CCDC152: variants seen among roughly 807,000 people sequenced by gnomAD.
The protein encoded by CCDC152 is coiled-coil domain-containing protein 152.
Under a neutral mutation model 38.1 loss-of-function variants are expected in CCDC152, and 37 were observed. That is an observed-to-expected ratio of 0.97 (90% CI 0.75 to 1.28). The LOEUF is 1.28. Among genes scored for constraint, CCDC152 ranks in the 50% most tolerant of loss-of-function variants. The pLI is 0.00. For missense variants in CCDC152, 259 were observed against 292.1 expected (o/e 0.89, Z 0.83); for synonymous variants, 83 against 87.1 (o/e 0.95, Z 0.26).
At chr5:42,791,329 T>C (rs929200143) in intron 6 of CCDC152, among the ~76,000 whole-genome samples, 1 of 152,262 alleles carries the variant, frequency 6.6e-6, no homozygotes, top group African/African-American at 2.4e-5. Context: ...TTTTGGCAGT[T>C]AAGCACTATC....
chr5:42,757,188 C>T (rs1200384392), intron 1 of CCDC152, among the ~76,000 whole-genome samples: 1 of 152,198 alleles, frequency 6.6e-6, no homozygotes, highest in East Asian at 1.9e-4. Flanking sequence ...TCCTCGGCCC[C>T]CATCCTTTAT....
At chr5:42,762,311 C>T (rs1759563554) in intron 2 of CCDC152, 132 bp from the exon 3 acceptor site, 1 of 587,410 alleles carries the variant, frequency 1.7e-6, no homozygotes, top group African/African-American at 1.9e-5. Context: ...CAGTACATGA[C>T]TGTATATGTA....
At chr5:42,768,498 C>G (rs1579708052) in intron 3 of CCDC152, among the ~76,000 whole-genome samples, 1 of 152,306 alleles carries the variant, frequency 6.6e-6, no homozygotes, top group East Asian at 1.9e-4. Flanking sequence ...ATATTATAGT[C>G]AAGGCTTGAA....
intron 4 of CCDC152, among the ~76,000 whole-genome samples, chr5:42,776,360 A>T (rs1320570926): frequency 1.3e-5 from 2 of 152,196 alleles, no homozygotes; most frequent in Non-Finnish European, 2.9e-5. Flanking sequence ...GTATTACATA[A>T]TGATAAAAGG....
chr5:42,786,249 G>A (rs1274829158), intron 6 of CCDC152, among the ~76,000 whole-genome samples: 1 of 151,670 alleles, frequency 6.6e-6, no homozygotes, highest in African/African-American at 2.4e-5. Context: ...CTAGTCCTGG[G>A]ATTTTGTTGT....
chr5:42,790,414 T>C (rs1450257593), intron 6 of CCDC152, among the ~76,000 whole-genome samples: 2 of 152,178 alleles, frequency 1.3e-5, no homozygotes, highest in Admixed American at 1.3e-4. Context: ...TAATGCCAAA[T>C]GGAGCAACTG....
chr5:42,795,220 G>T (rs1760058761), intron 6 of CCDC152, among the ~76,000 whole-genome samples: 1 of 152,126 alleles, frequency 6.6e-6, no homozygotes, highest in Non-Finnish European at 1.5e-5. Context: ...AATATAACAT[G>T]CAAATAGTAG....
At chr5:42,757,532 T>G (rs1012917143) in intron 1 of CCDC152, among the ~76,000 whole-genome samples, 1 of 152,078 alleles carries the variant, frequency 6.6e-6, no homozygotes, top group African/African-American at 2.4e-5. Flanking sequence ...CACAAATCAG[T>G]CTCTGCGGCT....
In CCDC152 at chr5:42,779,584, GA is replaced by G. The variant is rs11427149; in HGVS notation, c.327+71del. On this transcript the variant is annotated intron_variant, in intron 5 of 8. Coordinates refer to ENST00000361970, the MANE Select transcript of CCDC152 (RefSeq NM_001134848.2). ...GTGGAGATTTATCTTTTCAAATTAGGAAAAAAAAAGAGGTTTTTAAATTAAT... is the reference window on the plus strand; with the variant it reads ...GTGGAGATTTATCTTTTCAAATTAGGAAAAAAAAGAGGTTTTTAAATTAAT... 171 of 778,018 alleles carry G rather than the reference GA, an allele frequency of 2.2e-4. 3 individuals carry two copies. In the South Asian group the frequency reaches 2.4e-3, roughly 11 times the overall value. 48.2% of individuals were successfully genotyped at this position (778,018 alleles called of 1,614,324 possible).
intron 3 of CCDC152, among the ~76,000 whole-genome samples, chr5:42,768,339 G>A (rs1759652689): frequency 6.6e-6 from 1 of 151,818 alleles, no homozygotes; most frequent in Non-Finnish European, 1.5e-5. Flanking sequence ...TGCCTACTAT[G>A]GACCACAAGT....
rs920098924 is a variant in CCDC152, at chr5:42,800,725, T to G, written c.*944T>G. ...GTATGTCCTATTTTAAATATTTAGT[T>G]TGAAGGTCATTCTCACTTTTTTGCC... On this transcript the variant is annotated 3_prime_UTR_variant, in exon 9 of 9. Coordinates refer to ENST00000361970, the MANE Select transcript of CCDC152 (RefSeq NM_001134848.2). The G allele has an allele frequency of 1.0e-5, 16 of 1,601,582 alleles. No individual in the cohort carries two copies. The highest frequency in any genetic ancestry group is 1.4e-5 in the Non-Finnish European group (16 of 1,171,386).
chr5:42,771,973 C>T (rs1759705043), intron 4 of CCDC152, among the ~76,000 whole-genome samples: 1 of 152,148 alleles, frequency 6.6e-6, no homozygotes, highest in African/African-American at 2.4e-5. Context: ...AAAATTACAT[C>T]CCAATATCCC....
intron 1 of CCDC152, among the ~76,000 whole-genome samples, chr5:42,757,957 G>A (rs753671321): frequency 3.3e-5 from 5 of 151,922 alleles, no homozygotes; most frequent in African/African-American, 4.8e-5. Flanking sequence ...AAGAATAACA[G>A]TACTATCAAA....
intron 4 of CCDC152, among the ~76,000 whole-genome samples, chr5:42,772,543 C>G (rs1759713137): frequency 6.6e-6 from 1 of 151,176 alleles, no homozygotes; most frequent in Admixed American, 6.6e-5. Context: ...CCCAGCTACT[C>G]GAGAGGCTAA....
Position 42,762,533 on chromosome 5 carries a change from G to GA in CCDC152, c.178_179insA (p.Val60AspfsTer4). 6.6e-7 allele frequency: 1 copy of GA among 1,521,504 alleles called. No homozygotes were observed. Among genetic ancestry groups the GA allele is most frequent in the Non-Finnish European group, 8.9e-7 (1 of 1,120,050 alleles). 94.3% of individuals were successfully genotyped at this position (1,521,504 alleles called of 1,614,324 possible). A position where few individuals can be genotyped will look rare whatever the true frequency, so the allele number is the denominator to read the frequency against. ...ATTAAAAGTAATGCAAGCAAAGGAG[G>GA]TCTCCATTAAAGAAGGTTAGTTATT... On this transcript the variant is annotated frameshift_variant, in exon 3 of 9. Transcript: ENST00000361970. LOFTEE classifies it high-confidence loss of function.
intron 3 of CCDC152, among the ~76,000 whole-genome samples, chr5:42,766,340 A>G (rs768714858): frequency 3.3e-5 from 5 of 152,150 alleles, no homozygotes; most frequent in African/African-American, 4.8e-5. Context: ...TACAATCACT[A>G]TGAAGAACAG....
chr5:42,796,717 T>G, intron 6 of CCDC152, 112 bp from the exon 7 acceptor site: 1 of 711,880 alleles, frequency 1.4e-6, no homozygotes, highest in Non-Finnish European at 2.1e-6. Context: ...AAAATATGTT[T>G]CATTAATAAA....
intron 5 of CCDC152, among the ~76,000 whole-genome samples, chr5:42,782,711 G>A (rs1179076230): frequency 1.3e-5 from 2 of 151,622 alleles, no homozygotes; most frequent in African/African-American, 2.4e-5. Flanking sequence ...AATATATGAG[G>A]CAAATGGATA....
intron 6 of CCDC152, among the ~76,000 whole-genome samples, chr5:42,785,813 T>C (rs1759913614): frequency 6.6e-6 from 1 of 152,088 alleles, no homozygotes; most frequent in Non-Finnish European, 1.5e-5. Context: ...CAATGCCTAT[T>C]TTTTAGGGTT....
Sources: gnomAD v4.1 joint callset for allele counts (sites outside exome capture counted in the v4.1 genomes callset) on GRCh38, gnomAD v4.1.1 for gene constraint, MANE v1.5 for transcripts, NCBI Gene and HGNC (gene_info 2026-07-23, HGNC 2026-07-21) for gene names.